HEATR5B: variants seen among roughly 807,000 people sequenced by gnomAD.
HEATR5B encodes HEAT repeat containing 5B.
HEATR5B carries 156 observed loss-of-function variants against 224.1 expected under a neutral mutation model. That is an observed-to-expected ratio of 0.70 (90% CI 0.61 to 0.80). HEATR5B has a LOEUF of 0.80. Among genes scored for constraint, HEATR5B ranks in the 30% least tolerant of loss-of-function variants. The pLI, the probability that HEATR5B is intolerant of heterozygous loss-of-function variation, is 0.00. For missense variants in HEATR5B, 2,323 were observed against 2,535.5 expected (o/e 0.92, Z 1.80); for synonymous variants, 1,027 against 893.0 (o/e 1.15, Z -2.68).
chr2:37,075,382 G>T, intron 5 of HEATR5B, 103 bp downstream of exon 5: 2 of 840,490 alleles, frequency 2.4e-6, no homozygotes, highest in African/African-American at 1.8e-5. Flanking sequence ...CTAATCCATT[G>T]GAACACAAAA....
At chr2:37,076,434 A>T (rs2148601976) in intron 4 of HEATR5B, among the ~76,000 whole-genome samples, 1 of 152,322 alleles carries the variant, frequency 6.6e-6, no homozygotes, top group Non-Finnish European at 1.5e-5. Flanking sequence ...CAAGCCAGGG[A>T]AGATCAAAGA....
In HEATR5B at chr2:37,032,625, T is replaced by C. The variant is rs774143441; in HGVS notation, c.3361+4A>G. 41 of 1,607,706 alleles carry C rather than the reference T, an allele frequency of 2.6e-5. No individual in the cohort carries two copies. The highest frequency in any genetic ancestry group is 3.3e-5 in the Non-Finnish European group (39 of 1,177,890). On this transcript the variant is annotated splice_donor_region_variant and intron_variant, in intron 22 of 35. Coordinates refer to ENST00000233099, the MANE Select transcript of HEATR5B (RefSeq NM_019024.3). The stretch of plus-strand genomic sequence containing the variant: ...AAACAATATTGACCAATAATATAAC[T>C]TACTGGCACTACTGCTCTCTTTGTC...
chr2:37,008,370 A>C, intron 28 of HEATR5B: 1 of 552,320 alleles, frequency 1.8e-6, no homozygotes, highest in Non-Finnish European at 3.2e-6. Flanking sequence ...ACCCTAGCTC[A>C]TACAGCTATT....
intron 35 of HEATR5B, among the ~76,000 whole-genome samples, chr2:36,983,002 C>G (rs1356912672): frequency 6.6e-6 from 1 of 151,804 alleles, no homozygotes; most frequent in Non-Finnish European, 1.5e-5. Flanking sequence ...TTTTATTTCA[C>G]GAGAAATTCT....
chr2:37,041,983 A>G (rs1378407146), intron 18 of HEATR5B, among the ~76,000 whole-genome samples: 1 of 151,996 alleles, frequency 6.6e-6, no homozygotes, highest in Admixed American at 6.6e-5. Flanking sequence ...AATATTTTAC[A>G]CTTAAGAAAT....
intron 21 of HEATR5B, among the ~76,000 whole-genome samples, chr2:37,033,406 C>T (rs1424968438): frequency 6.6e-6 from 1 of 152,148 alleles, no homozygotes; most frequent in Non-Finnish European, 1.5e-5. Context: ...TCTTATTTTA[C>T]ACATGGTCCT....
At position 37,082,751 on chromosome 2, in the gene HEATR5B, AGT is replaced by A. The variant is rs758100444; in HGVS notation, c.126+536_126+537del. ...CTGGCTTGCTGTTAATAGACACTTG[AGT>A]AAATCTCTGTTCCGGGGTCTCAGCT... On this transcript the variant is annotated intron_variant, in intron 2 of 35. Transcript: ENST00000233099. Among the ~76,000 whole-genome samples, 23 of 152,330 alleles carry A rather than the reference AGT, an allele frequency of 1.5e-4. 1 individual carries two copies. The South Asian group carries it at 3.1e-3, about 21-fold the overall frequency.
In HEATR5B at chr2:37,065,899, T is replaced by G; in HGVS notation, c.1189A>C (p.Asn397His). 2 of 1,607,886 alleles carry G rather than the reference T, an allele frequency of 1.2e-6. No homozygotes were observed. The highest frequency in any genetic ancestry group is 1.7e-6 in the Non-Finnish European group (2 of 1,175,328). The change falls in exon 9 of 36, where the codon AAT becomes CAT. Residue 397 changes from asparagine to histidine, a missense_variant. Asn to His is a moderately conservative substitution (Grantham distance 68). Around this residue, in one of 12 missense-constraint regions of HEATR5B, gnomAD observed 502 missense variants for 517.8 expected, o/e 0.97. Coordinates refer to ENST00000233099, the MANE Select transcript of HEATR5B (RefSeq NM_019024.3). ...KQMKAVEAVV[N>H]DTSGENKSGA... ...GATTTGTTTTCTCCACTTGTGTCATTCACTACTGCTTCTGGAAACACAAAA... is the reference window on the plus strand; with the variant it reads ...GATTTGTTTTCTCCACTTGTGTCATGCACTACTGCTTCTGGAAACACAAAA...
At chr2:37,062,761 A>G (rs563894966) in intron 10 of HEATR5B, among the ~76,000 whole-genome samples, 4 of 152,254 alleles carry the variant, frequency 2.6e-5, no homozygotes, top group Admixed American at 1.3e-4. Context: ...GTCTTCTAAG[A>G]CTGTAAGCTC....
intron 17 of HEATR5B, among the ~76,000 whole-genome samples, chr2:37,051,406 G>T (rs1416101471): frequency 1.4e-5 from 2 of 145,780 alleles, no homozygotes; most frequent in Admixed American, 6.8e-5. Context: ...GTAACTGAAT[G>T]TTGAAGTAGT....
chr2:37,030,890 G>A (rs1185501977), intron 22 of HEATR5B, among the ~76,000 whole-genome samples: 1 of 152,218 alleles, frequency 6.6e-6, no homozygotes, highest in African/African-American at 2.4e-5. Context: ...TCTGGGAATT[G>A]GGTTTCTAGA....
intron 1 of HEATR5B, among the ~76,000 whole-genome samples, chr2:37,083,868 G>T (rs551125734): frequency 1.1e-4 from 16 of 152,286 alleles, no homozygotes; most frequent in African/African-American, 3.9e-4. Flanking sequence ...CTGGCCAGAG[G>T]GACTGAGGTC....
intron 10 of HEATR5B, among the ~76,000 whole-genome samples, chr2:37,063,468 T>C (rs1206369559): frequency 6.6e-6 from 1 of 152,208 alleles, no homozygotes; most frequent in Admixed American, 6.5e-5. Flanking sequence ...CTCTGAGTAC[T>C]GGGTAGTCCC....
At chr2:37,042,521 C>T (rs1342086192) in intron 18 of HEATR5B, among the ~76,000 whole-genome samples, 2 of 152,132 alleles carry the variant, frequency 1.3e-5, no homozygotes, top group Non-Finnish European at 2.9e-5. Flanking sequence ...GTGAAATCAC[C>T]GATGCTTTAC....
At chr2:37,060,324 T>G (rs977045928) in intron 12 of HEATR5B, among the ~76,000 whole-genome samples, 3 of 152,096 alleles carry the variant, frequency 2.0e-5, no homozygotes, top group African/African-American at 7.2e-5. Context: ...TAGCAACAAG[T>G]GGGAATAAGA....
chr2:37,054,663 T>C (rs1670786869), intron 16 of HEATR5B, among the ~76,000 whole-genome samples: 1 of 148,744 alleles, frequency 6.7e-6, no homozygotes, highest in South Asian at 2.1e-4. Flanking sequence ...TTTGTATTTT[T>C]AGTAGAGAAG....
rs1197693228 is a variant in HEATR5B, at chr2:37,068,733, A to T, written c.1125T>A (p.Ile375=). The T allele has an allele frequency of 6.8e-6, 11 of 1,614,046 alleles. No individual in the cohort carries two copies. In the South Asian group the frequency reaches 1.2e-4, roughly 18 times the overall value. ...VGSLLGEKAQ[I]AAAKEICQAI... ...CTTGGCAGATTTCTTTGGCAGCTGC[A>T]ATCTGGGCTTTTTCACCTAGCAAAC... Residue 375 remains isoleucine (I), a synonymous_variant, in exon 8 of 36, where the codon ATT becomes ATA. Transcript: ENST00000233099.
At chr2:37,031,431 TTTC>T (rs1222122319) in intron 22 of HEATR5B, among the ~76,000 whole-genome samples, 13 of 139,616 alleles carry the variant, frequency 9.3e-5, no homozygotes, top group Non-Finnish European at 4.9e-5. Context: ...TTTTCTTTTC[TTTC>T]TTTTTTTTTT....
At chr2:37,037,450 G>T (rs1392118223) in intron 21 of HEATR5B, among the ~76,000 whole-genome samples, 1 of 151,816 alleles carries the variant, frequency 6.6e-6, no homozygotes, top group Non-Finnish European at 1.5e-5. Flanking sequence ...GCCCAAATGT[G>T]ATATATTCTT....
Sources: gnomAD v4.1 joint callset for allele counts (sites outside exome capture counted in the v4.1 genomes callset) on GRCh38, gnomAD v4.1.1 for gene constraint, gnomAD v4.1.1 regional missense constraint, MANE v1.5 for transcripts, NCBI Gene and HGNC (gene_info 2026-07-23, HGNC 2026-07-21) for gene names.